UGT2B15: variants seen among roughly 807,000 people sequenced by gnomAD.
UGT2B15 encodes UDP glucuronosyltransferase family 2 member B15.
In UGT2B15, 36 loss-of-function variants were observed where a neutral mutation model predicts 45.9. The observed-to-expected ratio is 0.78, with a 90% CI of 0.60 to 1.04. UGT2B15 has a LOEUF of 1.04. UGT2B15 is among the 50% of genes least tolerant of loss of function. The pLI, the probability that UGT2B15 is intolerant of heterozygous loss-of-function variation, is 0.00. For missense variants in UGT2B15, 617 were observed against 622.4 expected (o/e 0.99, Z 0.09); for synonymous variants, 219 against 216.4 (o/e 1.01, Z -0.11).
At position 68,647,350 on chromosome 4, in the gene UGT2B15, A is replaced by G. The variant is rs775605662; in HGVS notation, c.1347T>C (p.Ile449=). Residue 449 remains isoleucine, a synonymous_variant, in exon 6 of 6, where the codon ATT becomes ATC. Coordinates refer to ENST00000338206, the MANE Select transcript of UGT2B15 (RefSeq NM_001076.4). ...YKENVMKLSR[I]HHDQPMKPLD... is the part of the protein sequence containing the mutation. ...GGGGCTTCATTGGTTGGTCATGATG[A>G]ATTCTTGATAATTTCATGACATTCT... is the stretch of plus-strand genomic sequence containing the variant. The G allele has an allele frequency of 6.2e-7, 1 of 1,613,388 alleles. No homozygotes were observed. Among genetic ancestry groups the G allele is most frequent in the Non-Finnish European group, 8.5e-7 (1 of 1,179,580 alleles).
rs1732685288 is a variant in UGT2B15, at chr4:68,652,468, T to G, written c.1313+1569A>C. On this transcript the variant is annotated intron_variant, in intron 5 of 5. Coordinates refer to ENST00000338206, the MANE Select transcript of UGT2B15 (RefSeq NM_001076.4). ...TTATGTTTCTTTACTTTCTTACTTT[T>G]TTTGAAGTATCTTAAATCATTTCTT... 2.6e-5 allele frequency among the ~76,000 whole-genome samples: 4 copies of G among 151,626 alleles called. No homozygotes were observed. The South Asian group carries it at 8.3e-4, about 31-fold the overall frequency.
chr4:68,653,415 A>G lies in UGT2B15; in HGVS notation c.1313+622T>C, dbSNP rs146446648. Among the ~76,000 whole-genome samples, 877 of 152,190 alleles carry G rather than the reference A, an allele frequency of 5.8e-3. 12 individuals carry two copies. Among genetic ancestry groups the G allele is most frequent in the African/African-American group, 0.02 (817 of 41,538 alleles). ...CACCATAAATTGTATGATTTCATTT[A>G]TATAAAATATGTGAAGAGAATAATC... On this transcript the variant is annotated intron_variant, in intron 5 of 5. Transcript: ENST00000338206.
chr4:68,666,140 A>G (rs1733112217), intron 2 of UGT2B15, among the ~76,000 whole-genome samples: 1 of 152,130 alleles, frequency 6.6e-6, no homozygotes, highest in Admixed American at 6.6e-5. Flanking sequence ...TTTTGAGAAT[A>G]AGATAAGAGT....
intron 3 of UGT2B15, among the ~76,000 whole-genome samples, chr4:68,659,434 A>G (rs1465776955): frequency 1.3e-5 from 2 of 151,998 alleles, no homozygotes; most frequent in Non-Finnish European, 2.9e-5. Flanking sequence ...ATTATACAGG[A>G]AACATTGTCA....
chr4:68,652,424 T>A (rs1038038091), intron 5 of UGT2B15, among the ~76,000 whole-genome samples: 2 of 151,346 alleles, frequency 1.3e-5, no homozygotes, highest in Admixed American at 6.6e-5. Flanking sequence ...ATATATATAT[T>A]TTAATTTTCT....
intron 3 of UGT2B15, 51 bp from the exon 4 acceptor site, chr4:68,655,233 T>C (rs766584868): frequency 8.2e-6 from 13 of 1,580,874 alleles, no homozygotes; most frequent in African/African-American, 1.4e-5. Context: ...TCTAAAAACA[T>C]AGCATGTTAG....
rs534426253 is a variant in UGT2B15 at position 68,663,901 on chromosome 4, G to C, written c.874-762C>G. Among the ~76,000 whole-genome samples, 128 of 152,084 alleles carry C rather than the reference G, an allele frequency of 8.4e-4. 1 individual carries two copies. Among genetic ancestry groups the C allele is most frequent in the African/African-American group, 2.9e-3 (122 of 41,474 alleles). ...ATAATACAGTATTATATACTATATAGTTACATAATTAAGTGATCTTATTTC... is the reference window on the plus strand; with the variant it reads ...ATAATACAGTATTATATACTATATACTTACATAATTAAGTGATCTTATTTC... On this transcript the variant is annotated intron_variant, in intron 2 of 5. Transcript: ENST00000338206.
At chr4:68,662,457 A>G (rs904937793) in intron 3 of UGT2B15, among the ~76,000 whole-genome samples, 1 of 148,522 alleles carries the variant, frequency 6.7e-6, no homozygotes, top group Non-Finnish European at 1.5e-5. Flanking sequence ...TAGTCAGACT[A>G]GGACATTCTT....
At chr4:68,659,177 T>C (rs538497972) in intron 3 of UGT2B15, among the ~76,000 whole-genome samples, 2 of 152,172 alleles carry the variant, frequency 1.3e-5, no homozygotes, top group African/African-American at 4.8e-5. Context: ...GGGCTTATTG[T>C]TTGGCAAATT....
intron 5 of UGT2B15, among the ~76,000 whole-genome samples, chr4:68,650,286 C>T (rs34735876): frequency 6.6e-6 from 1 of 151,802 alleles, no homozygotes; most frequent in African/African-American, 2.4e-5. Context: ...CATGTATTAG[C>T]TATTTGTCCT....
intron 5 of UGT2B15, among the ~76,000 whole-genome samples, chr4:68,653,529 T>C (rs565626898): frequency 1.2e-4 from 19 of 152,110 alleles, no homozygotes; most frequent in African/African-American, 4.3e-4. Context: ...TTTGAATTCA[T>C]TAAAATGTTC....
chr4:68,652,718 T>TAAA (rs879826657), intron 5 of UGT2B15, among the ~76,000 whole-genome samples: 125 of 148,358 alleles, frequency 8.4e-4, no homozygotes, highest in African/African-American at 2.2e-3. Context: ...TTCCAAAAAG[T>TAAA]AAAAAAAAAA....
At chr4:68,652,080 G>A (rs1732672319) in intron 5 of UGT2B15, among the ~76,000 whole-genome samples, 1 of 151,986 alleles carries the variant, frequency 6.6e-6, no homozygotes, top group Admixed American at 6.6e-5. Context: ...CCCTGAAGAG[G>A]TCCTTCACAT....
chr4:68,661,986 G>T (rs913903591), intron 3 of UGT2B15, among the ~76,000 whole-genome samples: 2 of 151,966 alleles, frequency 1.3e-5, no homozygotes, highest in Admixed American at 1.3e-4. Context: ...CCAAACTAAG[G>T]TACTGATTTT....
intron 5 of UGT2B15, among the ~76,000 whole-genome samples, chr4:68,650,213 C>T (rs1235802343): frequency 2.6e-5 from 4 of 151,862 alleles, no homozygotes; most frequent in Non-Finnish European, 4.4e-5. Flanking sequence ...TTGTTACATA[C>T]GTATATACGT....
In UGT2B15 at chr4:68,650,617, T is replaced by C. The variant is rs1732625899; in HGVS notation, c.1314-3234A>G. On this transcript the variant is annotated intron_variant, in intron 5 of 5. Transcript: ENST00000338206. Reference sequence around the variant, plus strand: ...GCGCTGCAATAGACATACATGTGCATGTGTCTTTATAGTAGAATGATTTAT... The same window carrying C: ...GCGCTGCAATAGACATACATGTGCACGTGTCTTTATAGTAGAATGATTTAT... Among the ~76,000 whole-genome samples, 3 of 152,230 alleles carry C rather than the reference T, an allele frequency of 2.0e-5. 1 individual carries two copies. The highest frequency in any genetic ancestry group is 4.1e-4 in the South Asian group (2 of 4,824).
intron 2 of UGT2B15, among the ~76,000 whole-genome samples, chr4:68,667,468 G>A (rs142515073): frequency 0.042 from 6,321 of 152,124 alleles, 212 homozygotes; most frequent in Non-Finnish European, 0.06. Flanking sequence ...GAGCCACCTT[G>A]CCTGGCCTCT....
intron 3 of UGT2B15, among the ~76,000 whole-genome samples, chr4:68,660,751 T>C (rs1732940440): frequency 6.6e-6 from 1 of 151,980 alleles, no homozygotes; most frequent in Admixed American, 6.6e-5. Context: ...TTCAGGTTTT[T>C]TTTCCTCCCT....
chr4:68,669,974 C>A lies in UGT2B15; in HGVS notation c.645G>T (p.Met215Ile). 6.2e-7 allele frequency: 1 copy of A among 1,613,780 alleles called. No homozygotes were observed. The highest frequency in any genetic ancestry group is 8.5e-7 in the Non-Finnish European group (1 of 1,179,934). The change falls in exon 1 of 6, where the codon ATG becomes ATT. Residue 215 changes from methionine (M) to isoleucine (I), a missense_variant. Transcript: ENST00000338206. ...QMIFMERIKNMIHMLYFDFWF... is the reference protein window; with the variant it reads ...QMIFMERIKNIIHMLYFDFWF... ...AAAAGTCAAAATAAAGCATATGTAT[C>A]ATATTTTTTATCCTCTCCATGAAAA...
Sources: allele counts gnomAD v4.1 joint callset (sites outside exome capture counted in the v4.1 genomes callset), GRCh38; gene constraint gnomAD v4.1.1; transcripts MANE v1.5; gene names NCBI Gene and HGNC (gene_info 2026-07-23, HGNC 2026-07-21).